The following SEPTIN11 variants were observed in gnomAD, a reference collection of about 807,000 sequenced individuals.
The protein encoded by SEPTIN11 is septin 11.
Under a neutral mutation model 51.4 loss-of-function variants are expected in SEPTIN11, and 25 were observed. The observed-to-expected ratio is 0.49, with a 90% CI of 0.35 to 0.68. The LOEUF is 0.68. SEPTIN11 is among the 30% of genes least tolerant of loss of function. The pLI is 0.00. For synonymous variants in SEPTIN11, 174 were observed against 184.1 expected (o/e 0.95, Z 0.44); for missense variants, 381 against 520.8 (o/e 0.73, Z 2.61).
chr4:77,010,335 T>A (rs1355788891), intron 3 of SEPTIN11, among the ~76,000 whole-genome samples: 1 of 152,170 alleles, frequency 6.6e-6, no homozygotes, highest in Non-Finnish European at 1.5e-5. Context: ...ATTATTATTA[T>A]GCAATATATG....
intron 1 of SEPTIN11, among the ~76,000 whole-genome samples, chr4:76,971,146 A>C (rs148699060): frequency 4.6e-4 from 70 of 152,332 alleles, no homozygotes; most frequent in African/African-American, 1.4e-3. Context: ...CAACATTTTA[A>C]ATATTTTCTA....
chr4:76,981,346 C>A (rs1722762262), intron 1 of SEPTIN11, among the ~76,000 whole-genome samples: 1 of 152,142 alleles, frequency 6.6e-6, no homozygotes, highest in Non-Finnish European at 1.5e-5. Context: ...TGAGCTGCAG[C>A]ATGTGAAAAG....
chr4:77,035,904 T>C lies in SEPTIN11; in HGVS notation c.*1392T>C, dbSNP rs115903783. Reference sequence around the variant, plus strand: ...TCTACTAACAAGATCCTCCCAGCTTTCTCTCTACATGTAGAAAGGATAACA... The same window carrying C: ...TCTACTAACAAGATCCTCCCAGCTTCCTCTCTACATGTAGAAAGGATAACA... On this transcript the variant is annotated 3_prime_UTR_variant, in exon 10 of 10. Coordinates refer to ENST00000264893, the MANE Select transcript of SEPTIN11 (RefSeq NM_018243.4). 75 of 985,926 alleles carry C rather than the reference T, an allele frequency of 7.6e-5. No individual in the cohort carries two copies. The African/African-American group carries it at 1.1e-3, about 15-fold the overall frequency. The allele number at this position is 985,926 out of a possible 1,614,324, so 61.1% of individuals were successfully genotyped here.
At chr4:76,958,794 G>T (rs1721674617) in intron 1 of SEPTIN11, 3 of 1,019,100 alleles carry the variant, frequency 2.9e-6, no homozygotes, top group African/African-American at 1.7e-5. Context: ...TATGTTTTTT[G>T]TAAATTAAAA....
intron 3 of SEPTIN11, 49 bp downstream of exon 3, chr4:77,005,845 G>T (rs911069028): frequency 6.5e-7 from 1 of 1,529,146 alleles, no homozygotes; most frequent in Non-Finnish European, 8.9e-7. Flanking sequence ...GAGATAGCAG[G>T]ATCCATCCCA....
At position 77,011,932 on chromosome 4, in the gene SEPTIN11, C is replaced by G. The variant is rs956302677; in HGVS notation, c.525+11C>G. 1.9e-6 allele frequency: 3 copies of G among 1,609,866 alleles called. No homozygotes were observed. In the African/African-American group the frequency reaches 4.0e-5, roughly 22 times the overall value. ...AAGCTGGACAGTAAGGTACTTGCTG[C>G]CATTCTGATTATCATCCACTCTCCT... is the stretch of plus-strand genomic sequence containing the variant. On this transcript the variant is annotated intron_variant, in intron 4 of 9. Transcript: ENST00000264893.
intron 1 of SEPTIN11, among the ~76,000 whole-genome samples, chr4:76,987,619 T>C (rs576417372): frequency 1.1e-4 from 16 of 152,292 alleles, no homozygotes; most frequent in African/African-American, 3.6e-4. Context: ...TGAAACCAAT[T>C]CAATACTTTC....
At chr4:77,011,226 CCA>C (rs1234920941) in intron 3 of SEPTIN11, among the ~76,000 whole-genome samples, 3 of 152,114 alleles carry the variant, frequency 2.0e-5, no homozygotes, top group Non-Finnish European at 4.4e-5. Context: ...TATCCTGAAA[CCA>C]CACACCAGTT....
At chr4:77,023,292 AC>A (rs1725861635) in intron 7 of SEPTIN11, among the ~76,000 whole-genome samples, 1 of 147,898 alleles carries the variant, frequency 6.8e-6, no homozygotes, top group Non-Finnish European at 1.5e-5. Flanking sequence ...ACACACACAC[AC>A]ACACACACAA....
At chr4:76,992,889 G>T (rs1030216714) in intron 1 of SEPTIN11, among the ~76,000 whole-genome samples, 5 of 152,158 alleles carry the variant, frequency 3.3e-5, no homozygotes, top group Non-Finnish European at 4.4e-5. Flanking sequence ...CAAGAAGAGT[G>T]GTCATTTAAT....
intron 1 of SEPTIN11, among the ~76,000 whole-genome samples, chr4:76,975,347 A>G (rs1333961440): frequency 6.6e-6 from 1 of 152,120 alleles, no homozygotes; most frequent in Non-Finnish European, 1.5e-5. Flanking sequence ...TAGTTGGTAT[A>G]CTTTCTACAA....
chr4:76,975,137 A>G (rs1233653821), intron 1 of SEPTIN11, among the ~76,000 whole-genome samples: 1 of 134,220 alleles, frequency 7.5e-6, no homozygotes, highest in African/African-American at 2.8e-5. Context: ...AAGAAAAAAG[A>G]AAAAAAAAAA....
intron 1 of SEPTIN11, among the ~76,000 whole-genome samples, chr4:76,972,852 A>G (rs1578129282): frequency 6.6e-6 from 1 of 152,208 alleles, no homozygotes; most frequent in Admixed American, 6.5e-5. Flanking sequence ...CTTCATATAC[A>G]TGATCTCATT....
chr4:77,024,177 T>C lies in SEPTIN11; in HGVS notation c.953+3507T>C, dbSNP rs1222823910. Among the ~76,000 whole-genome samples, 1 of 152,124 alleles carries C rather than the reference T, an allele frequency of 6.6e-6. No individual in the cohort carries two copies. Among genetic ancestry groups the C allele is most frequent in the African/African-American group, 2.4e-5 (1 of 41,424 alleles). On this transcript the variant is annotated intron_variant, in intron 7 of 9. Coordinates refer to ENST00000264893, the MANE Select transcript of SEPTIN11 (RefSeq NM_018243.4). The surrounding 1 kb of genome is among the most constrained non-coding windows in gnomAD (Gnocchi z 4.2). ...TAGCGCGCGCACAGAAACGCCGTAT[T>C]CAAGCCTTGGCAGCACACCACGGCA... is the stretch of plus-strand genomic sequence containing the variant.
intron 1 of SEPTIN11, among the ~76,000 whole-genome samples, chr4:76,993,631 G>T (rs1468848959): frequency 6.6e-6 from 1 of 152,094 alleles, no homozygotes; most frequent in African/African-American, 2.4e-5. Flanking sequence ...ACCAGAGAAG[G>T]AACTTCTTTT....
chr4:77,008,444 A>G (rs1467930055), intron 3 of SEPTIN11, among the ~76,000 whole-genome samples: 1 of 152,226 alleles, frequency 6.6e-6, no homozygotes, highest in Admixed American at 6.5e-5. Flanking sequence ...TTAAATTTTA[A>G]GTTTTTAATC....
At chr4:77,008,522 A>G (rs1282015082) in intron 3 of SEPTIN11, among the ~76,000 whole-genome samples, 1 of 152,200 alleles carries the variant, frequency 6.6e-6, no homozygotes, top group Non-Finnish European at 1.5e-5. Context: ...TAAGGGAAAA[A>G]CATGGTAAGT....
rs1560736525 is a variant in SEPTIN11, at chr4:77,016,657, C to CAT, written c.687+1641_687+1642insTA. 3.0e-4 allele frequency among the ~76,000 whole-genome samples: 24 copies of CAT among 79,194 alleles called. 1 individual carries two copies. Among genetic ancestry groups the CAT allele is most frequent in the East Asian group, 1.2e-3 (4 of 3,292 alleles). The allele number at this position is 79,194 out of a possible 152,430, so 52.0% of individuals were successfully genotyped here. A position where few individuals can be genotyped will look rare whatever the true frequency, so the allele number is the denominator to read the frequency against. Reference sequence around the variant, plus strand: ...ACATATATATATATATATATATATACACATATATATATATATATGGCCAGG... The same window carrying CAT: ...ACATATATATATATATATATATATACATACATATATATATATATATGGCCAGG... On this transcript the variant is annotated intron_variant, in intron 5 of 9. Transcript: ENST00000264893.
intron 9 of SEPTIN11, among the ~76,000 whole-genome samples, chr4:77,032,664 T>C (rs531611813): frequency 2.6e-5 from 4 of 152,320 alleles, no homozygotes; most frequent in Admixed American, 2.6e-4. Context: ...AAGTCAAGTT[T>C]TTCTTTTCAC....
Sources: gnomAD v4.1 joint callset for allele counts (sites outside exome capture counted in the v4.1 genomes callset) on GRCh38, gnomAD v4.1.1 for gene constraint, Gnocchi (gnomAD v3.1) non-coding constraint, MANE v1.5 for transcripts, NCBI Gene and HGNC (gene_info 2026-07-23, HGNC 2026-07-21) for gene names.